B9D1: variants seen among roughly 807,000 people sequenced by gnomAD.
B9D1 encodes the protein B9 domain-containing protein 1.
In B9D1, 20 loss-of-function variants were observed where a neutral mutation model predicts 26.1. The ratio of observed to expected loss-of-function variants is 0.77; its 90% confidence interval spans 0.54 to 1.12. B9D1 has a LOEUF of 1.12. B9D1 is among the 50% of genes most tolerant of loss of function. The pLI is 0.00. For synonymous variants in B9D1, 105 were observed against 103.1 expected, an observed-to-expected ratio of 1.02 and a Z score of -0.11; for missense variants, 260 against 273.7, an observed-to-expected ratio of 0.95 and a Z score of 0.35.
At position 19,362,696 on chromosome 17, in the gene B9D1, A is replaced by C; in HGVS notation, c.-127T>G. On this transcript the variant is annotated 5_prime_UTR_variant, in exon 1 of 7. Coordinates refer to ENST00000261499, the MANE Select transcript of B9D1 (RefSeq NM_015681.6). ...TTTCTTGGCAGCGACACCTTCGCGA[A>C]GGCCACGCGAGTGCGCGTGTGGCAT... 1 of 1,493,222 alleles carries C rather than the reference A, an allele frequency of 6.7e-7. No individual in the cohort carries two copies. Among genetic ancestry groups the C allele is most frequent in the African/African-American group, 1.4e-5 (1 of 71,692 alleles). 92.5% of individuals were successfully genotyped at this position (1,493,222 alleles called of 1,614,324 possible).
rs547935933 is a variant in B9D1 at position 19,372,824 on chromosome 17, C to T, written c.-298+5035G>A. ...AAGGGAGGCAGTAACATCAGCAGAGCGGCACCCTGCTCGGACAATTCACCT... is the reference window on the plus strand; with the variant it reads ...AAGGGAGGCAGTAACATCAGCAGAGTGGCACCCTGCTCGGACAATTCACCT... On this transcript the variant is annotated intron_variant, in intron 1 of 5. Transcript: ENST00000477478. The surrounding 1 kb of genome is among the most constrained non-coding windows in gnomAD (Gnocchi z 4.4). 4.6e-5 allele frequency among the ~76,000 whole-genome samples: 7 copies of T among 152,312 alleles called. No homozygotes were observed. In the South Asian group the frequency reaches 1.2e-3, roughly 27 times the overall value.
At chr17:19,340,578 A>G (rs1331501098), downstream of B9D1, among the ~76,000 whole-genome samples, 1 of 149,490 alleles carries the variant, frequency 6.7e-6, no homozygotes, top group Non-Finnish European at 1.5e-5. Flanking sequence ...TCCGGAGTGC[A>G]AGACCAGCCT....
upstream of B9D1, among the ~76,000 whole-genome samples, chr17:19,365,103 GA>G (rs763309641): frequency 1.3e-5 from 2 of 152,282 alleles, no homozygotes; most frequent in Non-Finnish European, 2.9e-5. The surrounding 1 kb of genome is among the most constrained non-coding windows in gnomAD (Gnocchi z 5.0). Flanking sequence ...CAGGAAGAGG[GA>G]ACAGTGGGAT....
At chr17:19,365,928 T>C (rs1239221702), upstream of B9D1, among the ~76,000 whole-genome samples, 1 of 152,090 alleles carries the variant, frequency 6.6e-6, no homozygotes, top group African/African-American at 2.4e-5. This position sits in a 1 kb window ranked among gnomAD's most constrained non-coding sequence, Gnocchi z 5.0. Context: ...AAGTCATTCC[T>C]GGGGTGCTCC....
downstream of B9D1, chr17:19,336,636 G>T (rs1040534242): frequency 2.0e-5 from 3 of 152,062 alleles, no homozygotes; most frequent in East Asian, 2.0e-4. Context: ...CAGTCCCAGA[G>T]GCCGGTGGCT....
intron 5 of B9D1, 134 bp from the exon 6 acceptor site, chr17:19,343,991 G>A (rs1908350796): frequency 7.2e-7 from 1 of 1,381,296 alleles, no homozygotes; most frequent in Non-Finnish European, 9.8e-7. Context: ...CCCACCAGGA[G>A]TCAGGCCCTA....
chr17:19,347,259 C>T lies in B9D1; in HGVS notation c.404+10G>A, dbSNP rs1365656118. On this transcript the variant is annotated intron_variant, in intron 5 of 6. Coordinates refer to ENST00000261499, the MANE Select transcript of B9D1 (RefSeq NM_015681.6). This position sits in a 1 kb window ranked among gnomAD's most constrained non-coding sequence, Gnocchi z 4.3. ...TCAGGAGGGGCTGGGGTTATGGGTACAAAACTCACCTTGTAAACTTCTGCA... is the reference window on the plus strand; with the variant it reads ...TCAGGAGGGGCTGGGGTTATGGGTATAAAACTCACCTTGTAAACTTCTGCA... The T allele has an allele frequency of 3.1e-6, 5 of 1,614,110 alleles. No individual in the cohort carries two copies. Among genetic ancestry groups the T allele is most frequent in the African/African-American group, 2.7e-5 (2 of 74,920 alleles).
At chr17:19,346,723 ACTGGCCACACTGCCGTC>A (rs896888189) in intron 5 of B9D1, among the ~76,000 whole-genome samples, 4 of 152,158 alleles carry the variant, frequency 2.6e-5, no homozygotes, top group African/African-American at 9.6e-5. Flanking sequence ...CTTACCACTT[ACTGGCCACACTGCCGTC>A]CTGGCCACAC....
upstream of B9D1, chr17:19,362,763 CA>C: frequency 7.6e-7 from 1 of 1,315,740 alleles, no homozygotes; most frequent in Non-Finnish European, 1.0e-6. Context: ...GGGGGCGGGG[CA>C]CAAGGGGCGG....
chr17:19,377,309 G>A (rs1219630202), intron 1 of B9D1, among the ~76,000 whole-genome samples: 1 of 152,182 alleles, frequency 6.6e-6, no homozygotes, highest in African/African-American at 2.4e-5. Context: ...AGTGATGATG[G>A]CTGCTCAACT....
Position 19,358,066 on chromosome 17 carries a change from A to T in B9D1, c.133-115T>A, listed in dbSNP as rs1910588009. 24 of 755,716 alleles carry T rather than the reference A, an allele frequency of 3.2e-5. 1 individual carries two copies. The highest frequency in any genetic ancestry group is 3.2e-4 in the South Asian group (22 of 69,796). 46.8% of individuals were successfully genotyped at this position (755,716 alleles called of 1,614,324 possible). A position where few individuals can be genotyped will look rare whatever the true frequency, so the allele number is the denominator to read the frequency against. On this transcript the variant is annotated intron_variant, in intron 2 of 6. Transcript: ENST00000261499. ...GCTGTTTTCTCAGCTGTCTTCTCCCAAGACACGAACTTCCAAACAAAGGGG... is the reference window on the plus strand; with the variant it reads ...GCTGTTTTCTCAGCTGTCTTCTCCCTAGACACGAACTTCCAAACAAAGGGG...
At chr17:19,357,146 C>T (rs186553351) in intron 3 of B9D1, among the ~76,000 whole-genome samples, 87 of 152,228 alleles carry the variant, frequency 5.7e-4, no homozygotes, top group Non-Finnish European at 1.1e-3. Context: ...TGTCAGTTTC[C>T]TTATATGGGA....
intron 1 of B9D1, among the ~76,000 whole-genome samples, chr17:19,376,706 G>A (rs1311822388): frequency 6.6e-6 from 1 of 150,702 alleles, no homozygotes; most frequent in Non-Finnish European, 1.5e-5. Context: ...GCTGAGGCAG[G>A]AGACCAGGAG....
chr17:19,376,362 A>C (rs1421688591), intron 1 of B9D1, among the ~76,000 whole-genome samples: 1 of 152,158 alleles, frequency 6.6e-6, no homozygotes, highest in Non-Finnish European at 1.5e-5. Context: ...TGAGAGTTGG[A>C]CATGCCTTAT....
chr17:19,347,206 A>C lies in B9D1; in HGVS notation c.404+63T>G. 1.2e-6 allele frequency: 2 copies of C among 1,614,186 alleles called. No homozygotes were observed. The highest frequency in any genetic ancestry group is 1.7e-6 in the Non-Finnish European group (2 of 1,180,008). On this transcript the variant is annotated intron_variant, in intron 5 of 6. Transcript: ENST00000261499. This position sits in a 1 kb window ranked among gnomAD's most constrained non-coding sequence, Gnocchi z 4.3. Reference sequence around the variant, plus strand: ...GGCGACCAGGCACAAACTGAGGGGTAGAATGGGACATCCATTCATCCAGTA... The same window carrying C: ...GGCGACCAGGCACAAACTGAGGGGTCGAATGGGACATCCATTCATCCAGTA...
chr17:19,365,501 G>A (rs1055509252), upstream of B9D1, among the ~76,000 whole-genome samples: 1 of 152,242 alleles, frequency 6.6e-6, no homozygotes, highest in African/African-American at 2.4e-5. This position sits in a 1 kb window ranked among gnomAD's most constrained non-coding sequence, Gnocchi z 5.0. Flanking sequence ...TGTCCAGGAA[G>A]ATGCTGGCCT....
At chr17:19,366,126 G>C (rs1482144724), upstream of B9D1, among the ~76,000 whole-genome samples, 1 of 151,940 alleles carries the variant, frequency 6.6e-6, no homozygotes, top group Non-Finnish European at 1.5e-5. Flanking sequence ...TTATAAGTGG[G>C]TGTCCGGCTC....
intron 1 of B9D1, among the ~76,000 whole-genome samples, chr17:19,375,944 T>C (rs1290413472): frequency 6.6e-6 from 1 of 152,166 alleles, no homozygotes; most frequent in African/African-American, 2.4e-5. Context: ...ACAAATGTTC[T>C]CAGAAGCATT....
intron 3 of B9D1, among the ~76,000 whole-genome samples, chr17:19,351,140 G>A (rs528156312): frequency 5.2e-4 from 79 of 151,974 alleles, no homozygotes; most frequent in Middle Eastern, 3.4e-3. Flanking sequence ...TGCCTGGCCT[G>A]ACTCTGACTT....
Sources: gnomAD v4.1 joint callset for allele counts (sites outside exome capture counted in the v4.1 genomes callset) on GRCh38, gnomAD v4.1.1 for gene constraint, Gnocchi (gnomAD v3.1) non-coding constraint, MANE v1.5 for transcripts, NCBI Gene and HGNC (gene_info 2026-07-23, HGNC 2026-07-21) for gene names.